The following DNAH14 variants were observed in gnomAD, a reference collection of about 807,000 sequenced individuals.
DNAH14 encodes dynein axonemal heavy chain 14.
Under a neutral mutation model 520.9 loss-of-function variants are expected in DNAH14, and 478 were observed. The ratio of observed to expected loss-of-function variants is 0.92; its 90% CI spans 0.85 to 0.99. The LOEUF (loss-of-function observed/expected upper bound fraction) is 0.99. DNAH14 is among the 50% of genes least tolerant of loss of function. DNAH14 has a pLI of 0.00. For synonymous variants in DNAH14, 1,581 were observed against 1,757.2 expected (o/e 0.90, Z 2.51); for missense variants, 4,831 against 5,234.5 (o/e 0.92, Z 2.38).
At chr1:224,933,497 T>C (rs964528821) in intron 1 of DNAH14, among the ~76,000 whole-genome samples, 3 of 152,126 alleles carry the variant, frequency 2.0e-5, no homozygotes, top group African/African-American at 7.2e-5. Context: ...GACATCCTTA[T>C]CTTGTTTCAG....
chr1:225,128,600 T>G (rs1210718957), intron 27 of DNAH14, among the ~76,000 whole-genome samples: 2 of 151,512 alleles, frequency 1.3e-5, no homozygotes, highest in Non-Finnish European at 2.9e-5. Flanking sequence ...GAAAAGGCCT[T>G]TGACAAAATT....
At chr1:225,374,169 A>G (rs1270280044) in intron 77 of DNAH14, among the ~76,000 whole-genome samples, 1 of 87,842 alleles carries the variant, frequency 1.1e-5, no homozygotes, top group African/African-American at 4.0e-5. Context: ...ATATATATAT[A>G]TATATATATA....
At chr1:225,057,083 C>T (rs2069211282) in intron 17 of DNAH14, among the ~76,000 whole-genome samples, 1 of 152,144 alleles carries the variant, frequency 6.6e-6, no homozygotes, top group Non-Finnish European at 1.5e-5. Context: ...TCTTTGGTAG[C>T]TTGATGGGGA....
chr1:225,114,843 A>G (rs1285967082), intron 23 of DNAH14, among the ~76,000 whole-genome samples: 1 of 152,106 alleles, frequency 6.6e-6, no homozygotes, highest in Non-Finnish European at 1.5e-5. Flanking sequence ...AGTCCACCAC[A>G]GGGGGTGGGG....
chr1:225,059,283 G>T (rs541874789), intron 17 of DNAH14, among the ~76,000 whole-genome samples: 19 of 152,190 alleles, frequency 1.2e-4, no homozygotes, highest in Non-Finnish European at 2.4e-4. Flanking sequence ...TTATGTAATG[G>T]CCTCCTTTGT....
chr1:225,115,643 G>A (rs2076815522), intron 23 of DNAH14, among the ~76,000 whole-genome samples: 1 of 152,154 alleles, frequency 6.6e-6, no homozygotes, highest in African/African-American at 2.4e-5. Flanking sequence ...TCTGGAGCAA[G>A]CATAAGGGGC....
intron 75 of DNAH14, among the ~76,000 whole-genome samples, 181 bp from the exon 76 acceptor site, chr1:225,364,611 T>C (rs2150577077): frequency 6.6e-6 from 1 of 151,562 alleles, no homozygotes; most frequent in Admixed American, 6.6e-5. Context: ...ACTCTTAAAA[T>C]GTAACTGATG....
At chr1:225,352,538 G>A (rs1285817641) in intron 72 of DNAH14, among the ~76,000 whole-genome samples, 1 of 152,060 alleles carries the variant, frequency 6.6e-6, no homozygotes, top group Non-Finnish European at 1.5e-5. Context: ...GTTAACAGTT[G>A]CTGCCAAGTT....
rs146785212 is a variant in DNAH14 at position 225,071,978 on chromosome 1, A to AT, written c.2425-7223dup. On this transcript the variant is annotated intron_variant, in intron 17 of 85. Transcript: ENST00000682510. Reference sequence around the variant, plus strand: ...GCCAAACCATATCACCGCCTTTAACATTTTTTCTTTCATTTTGACCTTGAA... The same window carrying AT: ...GCCAAACCATATCACCGCCTTTAACATTTTTTTCTTTCATTTTGACCTTGAA... Among the ~76,000 whole-genome samples, 752 of 151,928 alleles carry AT rather than the reference A, an allele frequency of 4.9e-3. 6 individuals are homozygous for AT. Among genetic ancestry groups the AT allele is most frequent in the African/African-American group, 0.017 (712 of 41,400 alleles).
intron 8 of DNAH14, among the ~76,000 whole-genome samples, chr1:224,986,831 G>A (rs1490563252): frequency 6.6e-6 from 1 of 152,140 alleles, no homozygotes; most frequent in African/African-American, 2.4e-5. Context: ...CCTAGCTGGA[G>A]TACTCAGACA....
At chr1:225,178,762 A>C (rs139705881) in intron 36 of DNAH14, among the ~76,000 whole-genome samples, 95 of 152,196 alleles carry the variant, frequency 6.2e-4, no homozygotes, top group African/African-American at 2.2e-3. Context: ...ATTTGAGGAC[A>C]TGAGATTTGG....
chr1:225,047,143 C>T (rs12127872), intron 15 of DNAH14, among the ~76,000 whole-genome samples: 3,611 of 152,254 alleles, frequency 0.024, 72 homozygotes, highest in Middle Eastern at 0.061. Flanking sequence ...CTAGCTCATG[C>T]ATACACACAC....
chr1:225,127,086 T>C (rs1487352990), intron 27 of DNAH14, among the ~76,000 whole-genome samples: 4 of 152,138 alleles, frequency 2.6e-5, no homozygotes, highest in African/African-American at 9.6e-5. Flanking sequence ...TTTGTTATAA[T>C]TTCTGTTCTT....
chr1:225,118,678 T>C (rs932470281), intron 25 of DNAH14, among the ~76,000 whole-genome samples: 8 of 151,202 alleles, frequency 5.3e-5, no homozygotes, highest in African/African-American at 1.9e-4. Context: ...AGGTCAGGAG[T>C]TTGAGACCAG....
chr1:225,159,699 A>G (rs2081354407), intron 35 of DNAH14, among the ~76,000 whole-genome samples: 1 of 152,144 alleles, frequency 6.6e-6, no homozygotes, highest in African/African-American at 2.4e-5. Flanking sequence ...TGAACCATGT[A>G]CCTTTAGGCA....
At chr1:225,307,933 A>G (rs955032959) in intron 59 of DNAH14, among the ~76,000 whole-genome samples, 5 of 152,228 alleles carry the variant, frequency 3.3e-5, no homozygotes, top group Non-Finnish European at 7.3e-5. Flanking sequence ...ACCATCATTC[A>G]TCATCACTCT....
At chr1:225,083,419 T>C (rs2148600097) in intron 20 of DNAH14, among the ~76,000 whole-genome samples, 1 of 152,302 alleles carries the variant, frequency 6.6e-6, no homozygotes, top group Admixed American at 6.5e-5. Flanking sequence ...AAAACAACTT[T>C]TGTTTGTAAA....
chr1:225,189,886 G>C (rs2085202677), intron 37 of DNAH14, among the ~76,000 whole-genome samples: 2 of 151,660 alleles, frequency 1.3e-5, no homozygotes, highest in Non-Finnish European at 3.0e-5. Context: ...TTTTGTGTTT[G>C]ATTTTTTTCT....
chr1:225,002,700 A>G lies in DNAH14; in HGVS notation c.831-83A>G, dbSNP rs1027451742. ...AAAACATTTCAACTATAAGGATATT[A>G]ACTAAACCACACTACTTACCTCTAA... On this transcript the variant is annotated intron_variant, in intron 8 of 85. Coordinates refer to ENST00000682510, the MANE Select transcript of DNAH14 (RefSeq NM_001367479.1). 7.0e-6 allele frequency: 9 copies of G among 1,291,596 alleles called. No homozygotes were observed. The Admixed American group carries it at 2.1e-4, about 31-fold the overall frequency. The allele number at this position is 1,291,596 out of a possible 1,614,324, so 80.0% of individuals were successfully genotyped here. A position where few individuals can be genotyped will look rare whatever the true frequency, so the allele number is the denominator to read the frequency against.
Sources: gnomAD v4.1 joint callset for allele counts (sites outside exome capture counted in the v4.1 genomes callset) on GRCh38, gnomAD v4.1.1 for gene constraint, MANE v1.5 for transcripts, NCBI Gene and HGNC (gene_info 2026-07-23, HGNC 2026-07-21) for gene names.